Variants in GET4 observed in about 807,000 individuals in gnomAD.
GET4 encodes the protein Golgi to ER traffic protein 4 homolog.
GET4 carries 20 observed loss-of-function variants against 40.0 expected under a neutral mutation model. The observed-to-expected ratio is 0.50, with a 90% CI of 0.35 to 0.73. The LOEUF (loss-of-function observed/expected upper bound fraction) is 0.73, where lower values mean the gene tolerates loss of function less well. Ranked by LOEUF, GET4 falls within the 30% of genes least tolerant of loss-of-function variation. GET4 has a pLI of 0.01. For missense variants in GET4, 557 were observed against 454.0 expected (o/e 1.23, Z -2.06); for synonymous variants, 280 against 194.6 (o/e 1.44, Z -3.65).
intron 1 of GET4, chr7:884,218 G>T (rs76780037): frequency 1.2e-5 from 16 of 1,303,746 alleles, no homozygotes; most frequent in Middle Eastern, 2.2e-4. Flanking sequence ...GGTTCTGCCC[G>T]TGGCCCCACT....
At chr7:878,512 C>T (rs1368521425) in intron 1 of GET4, among the ~76,000 whole-genome samples, 1 of 151,580 alleles carries the variant, frequency 6.6e-6, no homozygotes, top group Non-Finnish European at 1.5e-5. Flanking sequence ...TATTTAAGGG[C>T]AGTTGGTCTG....
chr7:886,621 C>T lies in GET4; in HGVS notation c.287C>T (p.Ala96Val), dbSNP rs759411239. The T allele has an allele frequency of 8.1e-6, 13 of 1,612,478 alleles. No homozygotes were observed. Among genetic ancestry groups the T allele is most frequent in the South Asian group, 7.7e-5 (7 of 91,038 alleles). The change falls in exon 3 of 9, where the codon GCG (alanine) becomes GTG (valine). Residue 96 changes from alanine (A) to valine (V), a missense_variant. Ala to Val is a moderately conservative substitution (Grantham distance 64). Transcript: ENST00000265857. ...CTGGTCCTGGAGTCCCTGGAGAAGGCGGAAGTGGAGGTGGCTGACGAGCTG... is the reference window on the plus strand; with the variant it reads ...CTGGTCCTGGAGTCCCTGGAGAAGGTGGAAGTGGAGGTGGCTGACGAGCTG... Reference protein sequence around the residue: ...SMLVLESLEKAEVEVADELLE... With the variant: ...SMLVLESLEKVEVEVADELLE...
intron 4 of GET4, among the ~76,000 whole-genome samples, chr7:890,552 C>T (rs563536740): frequency 2.6e-5 from 4 of 152,124 alleles, no homozygotes; most frequent in South Asian, 2.1e-4. Context: ...GATCTACATC[C>T]GAGGTGCACT....
At chr7:882,023 T>C (rs1844096793) in intron 1 of GET4, 1 of 152,236 alleles carries the variant, frequency 6.6e-6, no homozygotes, top group Non-Finnish European at 1.5e-5. Context: ...TTTTTATGGC[T>C]GCATAGTATT....
chr7:883,745 C>G (rs768679044), intron 1 of GET4: 1 of 986,474 alleles, frequency 1.0e-6, no homozygotes, highest in Non-Finnish European at 1.2e-6. Context: ...GAGAGGGTAC[C>G]TGTCCTGGCT....
chr7:884,106 T>C (rs1309747948), intron 1 of GET4: 7 of 1,200,624 alleles, frequency 5.8e-6, no homozygotes, highest in Non-Finnish European at 7.4e-6. Flanking sequence ...TTCTGGTTTC[T>C]AAGTCGCCAC....
chr7:895,525 G>A lies in GET4; in HGVS notation c.*103G>A, dbSNP rs1381485911. ...TCGCCTTGGGGGCTCCTGGCCCTGA[G>A]GCTGGCGGTGGCCGCATGCCGGCGC... On this transcript the variant is annotated 3_prime_UTR_variant, in exon 9 of 9. Coordinates refer to ENST00000265857, the MANE Select transcript of GET4 (RefSeq NM_015949.3). 1 of 576,688 alleles carries A rather than the reference G, an allele frequency of 1.7e-6. No individual in the cohort carries two copies. The highest frequency in any genetic ancestry group is 3.1e-6 in the Non-Finnish European group (1 of 320,492). 35.7% of individuals were successfully genotyped at this position (576,688 alleles called of 1,614,324 possible).
chr7:885,020 G>C (rs550114719), intron 1 of GET4: 1 of 151,996 alleles, frequency 6.6e-6, no homozygotes, highest in Non-Finnish European at 1.5e-5. Context: ...GAGCTCAAGC[G>C]ATCCTCCCAC....
At chr7:894,673 C>G (rs1844431919) in intron 8 of GET4, among the ~76,000 whole-genome samples, 4 of 152,234 alleles carry the variant, frequency 2.6e-5, no homozygotes, top group Admixed American at 2.6e-4. Flanking sequence ...AGCTCCCGTT[C>G]CACAGAAGCG....
At chr7:879,745 C>G (rs1453961151) in intron 1 of GET4, 3 of 152,240 alleles carry the variant, frequency 2.0e-5, no homozygotes, top group Non-Finnish European at 2.9e-5. Context: ...TTAGATGGAA[C>G]TACTAATTTT....
At chr7:884,982 A>T (rs6958620) in intron 1 of GET4, 1 of 152,150 alleles carries the variant, frequency 6.6e-6, no homozygotes, top group African/African-American at 2.4e-5. Flanking sequence ...GGGTCTCACT[A>T]TGTTGCTCAG....
At chr7:883,447 G>A in intron 1 of GET4, 1 of 930,160 alleles carries the variant, frequency 1.1e-6, no homozygotes, top group Non-Finnish European at 1.3e-6. Context: ...TAGTTCTAAT[G>A]CTTGCGTTTC....
chr7:886,312 A>G (rs10226357), intron 2 of GET4, 178 bp downstream of exon 2: 361,762 of 611,550 alleles, frequency 0.59, 108,077 homozygotes, highest in East Asian at 0.68. Flanking sequence ...CACTCTCAAG[A>G]CTGGGGCTCT....
At chr7:879,665 T>G (rs1044200996) in intron 1 of GET4, 1 of 152,244 alleles carries the variant, frequency 6.6e-6, no homozygotes, top group Non-Finnish European at 1.5e-5. Flanking sequence ...TTTACTGTTG[T>G]GTTGTAGATG....
chr7:882,188 C>T (rs1327857929), intron 1 of GET4: 1 of 152,244 alleles, frequency 6.6e-6, no homozygotes, highest in African/African-American at 2.4e-5. Context: ...GGACATAACC[C>T]AGTAGTGGGG....
At chr7:878,220 C>T (rs933627253) in intron 1 of GET4, 1 of 469,770 alleles carries the variant, frequency 2.1e-6, no homozygotes, top group Admixed American at 2.3e-5. Flanking sequence ...GGGACTGTGA[C>T]CGCTTGGAAG....
intron 1 of GET4, 43 bp from the exon 2 acceptor site, chr7:886,013 C>A: frequency 8.5e-7 from 1 of 1,177,544 alleles, no homozygotes; most frequent in Non-Finnish European, 1.3e-6. Flanking sequence ...AGCGCGGTGG[C>A]GAGGGCACGT....
chr7:890,965 C>G lies in GET4; in HGVS notation c.504C>G (p.His168Gln), dbSNP rs752172504. 6.2e-7 allele frequency: 1 copy of G among 1,608,920 alleles called. No homozygotes were observed. Among genetic ancestry groups the G allele is most frequent in the South Asian group, 1.1e-5 (1 of 90,982 alleles). ...GTGAGTCGAGGTATCATTTTCTGCA[C>G]TCAGCGGACGGGGAGGGCTGTGCCA... ...NYCESRYHFL[H>Q]SADGEGCANM... is the part of the protein sequence containing the mutation. The change falls in exon 5 of 9, where the codon CAC becomes CAG. Residue 168 changes from histidine (H) to glutamine (Q), a missense_variant. Coordinates refer to ENST00000265857, the MANE Select transcript of GET4 (RefSeq NM_015949.3).
chr7:887,401 C>T lies in GET4; in HGVS notation c.348C>T (p.Asp116=), dbSNP rs780891571. 5.0e-6 allele frequency: 8 copies of T among 1,598,056 alleles called. No individual in the cohort carries two copies. Among genetic ancestry groups the T allele is most frequent in the Non-Finnish European group, 6.8e-6 (8 of 1,170,236 alleles). ...ENLAKVFSLM[D]PNSPERVTFV... ...TGGCTAAAGTGTTCAGCCTGATGGA[C>T]CCCAACTCTCCTGAGCGCGTGACCT... Residue 116 remains aspartate, a synonymous_variant, in exon 4 of 9, where the codon GAC becomes GAT. Coordinates refer to ENST00000265857, the MANE Select transcript of GET4 (RefSeq NM_015949.3).
Sources: allele counts gnomAD v4.1 joint callset (sites outside exome capture counted in the v4.1 genomes callset), GRCh38; gene constraint gnomAD v4.1.1; transcripts MANE v1.5; gene names NCBI Gene and HGNC (gene_info 2026-07-23, HGNC 2026-07-21).